The following CSNK2A1 variants were observed in gnomAD, a reference collection of about 807,000 sequenced individuals.
CSNK2A1 encodes casein kinase II subunit alpha.
A neutral mutation model predicts 62.9 loss-of-function variants in CSNK2A1; 10 were observed. That is an observed-to-expected ratio of 0.16 (90% CI 0.10 to 0.27). CSNK2A1 has a LOEUF of 0.27. CSNK2A1 is among the 10% of genes least tolerant of loss of function. The probability of loss-of-function intolerance (pLI) is 1.00; values close to 1 mark genes in which losing one functional copy is unlikely to be tolerated. For synonymous variants in CSNK2A1, 124 were observed against 167.8 expected (o/e 0.74, Z 2.02); for missense variants, 160 against 492.0 (o/e 0.33, Z 6.38).
At chr20:492,202 T>C in intron 9 of CSNK2A1, 52 bp downstream of exon 9, 3 of 1,503,740 alleles carry the variant, frequency 2.0e-6, no homozygotes, top group South Asian at 2.4e-5. Context: ...TTTGGTAAAT[T>C]ATGTGCGAAA....
intron 2 of CSNK2A1, among the ~76,000 whole-genome samples, chr20:524,737 C>T: frequency 7.0e-6 from 1 of 143,148 alleles, no homozygotes; most frequent in African/African-American, 2.6e-5. Context: ...AAAAGAGATA[C>T]ATCTAAAACA....
intron 1 of CSNK2A1, chr20:543,388 C>T (rs1033676392): frequency 4.2e-6 from 1 of 240,946 alleles, no homozygotes; most frequent in African/African-American, 2.2e-5. Flanking sequence ...TAGTCCCCAC[C>T]CAGTTCAGTC....
At position 492,370 on chromosome 20, in the gene CSNK2A1, A is replaced by G. The variant is rs2018254159; in HGVS notation, c.511-6T>C. 1.2e-6 allele frequency: 2 copies of G among 1,613,910 alleles called. No individual in the cohort carries two copies. The highest frequency in any genetic ancestry group is 1.3e-5 in the African/African-American group (1 of 75,032). On this transcript the variant is annotated splice_polypyrimidine_tract_variant and splice_region_variant and intron_variant, in intron 8 of 13. Transcript: ENST00000217244. ...CCCCAGTCTATTAGTCGTAGCTGAA[A>G]AAGAATAAACCATGAGCAATCTTAT...
rs1383072484 is a variant in CSNK2A1, at chr20:487,499, G to A, written c.901C>T (p.Leu301=). 1 of 1,614,170 alleles carries A rather than the reference G, an allele frequency of 6.2e-7. No individual in the cohort carries two copies. The change falls in exon 12 of 14, where the codon CTG becomes TTG. Residue 301 remains leucine, a synonymous_variant. Coordinates refer to ENST00000217244, the MANE Select transcript of CSNK2A1 (RefSeq NM_177559.3). ...TGGTCATATCGCAGCAGTTTGTCCA[G>A]GAAATCCAAGGCCTCAGGGCTGACA... is the stretch of plus-strand genomic sequence containing the variant. ...HLVSPEALDF[L]DKLLRYDHQS...
chr20:484,456 T>C (rs2018022792), intron 13 of CSNK2A1, among the ~76,000 whole-genome samples: 1 of 152,204 alleles, frequency 6.6e-6, no homozygotes, highest in Admixed American at 6.5e-5. Flanking sequence ...ACTGAGGAAC[T>C]ACATTTTAAA....
intron 12 of CSNK2A1, 149 bp from the exon 13 acceptor site, chr20:486,611 C>T (rs894864166): frequency 3.9e-5 from 28 of 715,752 alleles, no homozygotes; most frequent in African/African-American, 2.9e-4. Flanking sequence ...ATTGCCTTCA[C>T]CATGAATTAG....
intron 1 of CSNK2A1, among the ~76,000 whole-genome samples, chr20:531,519 T>A (rs975023508): frequency 6.6e-6 from 1 of 152,196 alleles, no homozygotes; most frequent in African/African-American, 2.4e-5. Flanking sequence ...AACAATGAGA[T>A]CAGTGGCCAT....
intron 10 of CSNK2A1, 83 bp from the exon 11 acceptor site, chr20:488,861 A>G: frequency 7.7e-7 from 1 of 1,296,948 alleles, no homozygotes; most frequent in Non-Finnish European, 1.1e-6. Context: ...GAATTTACAT[A>G]AACGGGTCAT....
chr20:513,264 T>C (rs986580407), intron 2 of CSNK2A1, among the ~76,000 whole-genome samples: 2 of 152,248 alleles, frequency 1.3e-5, no homozygotes, highest in East Asian at 3.8e-4. Context: ...GCCCTTTTCC[T>C]ATGCTTAAAA....
chr20:480,328 A>G lies in CSNK2A1; in HGVS notation c.*3633T>C, dbSNP rs2017933023. On this transcript the variant is annotated 3_prime_UTR_variant, in exon 14 of 14. Coordinates refer to ENST00000217244, the MANE Select transcript of CSNK2A1 (RefSeq NM_177559.3). Reference sequence around the variant, plus strand: ...GTGGAGAGTGGAACTACAATTTATTAAGCACCTATTATTACAAGCCAAGTA... The same window carrying G: ...GTGGAGAGTGGAACTACAATTTATTGAGCACCTATTATTACAAGCCAAGTA... 1 of 145,526 alleles carries G rather than the reference A, an allele frequency of 6.9e-6. No individual in the cohort carries two copies. Among genetic ancestry groups the G allele is most frequent in the South Asian group, 2.1e-4 (1 of 4,818 alleles). The allele number at this position is 145,526 out of a possible 1,614,324, so 9.0% of individuals were successfully genotyped here.
chr20:508,724 A>G, intron 2 of CSNK2A1, 64 bp from the exon 3 acceptor site: 3 of 578,750 alleles, frequency 5.2e-6, no homozygotes, highest in Non-Finnish European at 9.1e-6. Flanking sequence ...GAAGGAAATA[A>G]TCTTACAAAT....
At chr20:520,410 TACACTC>T (rs2018921068) in intron 2 of CSNK2A1, among the ~76,000 whole-genome samples, 1 of 152,118 alleles carries the variant, frequency 6.6e-6, no homozygotes, top group African/African-American at 2.4e-5. Context: ...AGTACAGAAA[TACACTC>T]ACACAAACAA....
chr20:485,101 A>C (rs2018057315), intron 13 of CSNK2A1, among the ~76,000 whole-genome samples: 1 of 31,864 alleles, frequency 3.1e-5, no homozygotes, highest in African/African-American at 1.0e-4. Context: ...AAAAAAAAAA[A>C]AAAAAAAAAT....
At position 483,783 on chromosome 20, in the gene CSNK2A1, AAAG is replaced by A. The variant is rs940674887; in HGVS notation, c.*175_*177del. 9.4e-6 allele frequency: 4 copies of A among 426,390 alleles called. No individual in the cohort carries two copies. The highest frequency in any genetic ancestry group is 1.6e-5 in the Non-Finnish European group (4 of 251,980). 26.4% of individuals were successfully genotyped at this position (426,390 alleles called of 1,614,324 possible). A position where few individuals can be genotyped will look rare whatever the true frequency, so the allele number is the denominator to read the frequency against. The stretch of plus-strand genomic sequence containing the variant: ...AGTTCGAGTTAAAAAAAAAAAGAAA[AAAG>A]AAAATCAGCCTATTATAATTTTTTT... On this transcript the variant is annotated 3_prime_UTR_variant, in exon 14 of 14. Coordinates refer to ENST00000217244, the MANE Select transcript of CSNK2A1 (RefSeq NM_177559.3).
chr20:543,190 G>C (rs1274686165), intron 1 of CSNK2A1: 2 of 152,256 alleles, frequency 1.3e-5, no homozygotes, highest in African/African-American at 2.4e-5. Flanking sequence ...TCTGCAGGTG[G>C]GAAGCTCAGC....
intron 8 of CSNK2A1, 154 bp downstream of exon 8, chr20:495,565 A>G: frequency 5.0e-6 from 3 of 604,868 alleles, no homozygotes; most frequent in Non-Finnish European, 8.9e-6. Context: ...TGGTTCAAAC[A>G]TGTTGACTTG....
intron 1 of CSNK2A1, among the ~76,000 whole-genome samples, chr20:533,210 A>G (rs961297817): frequency 2.0e-5 from 3 of 152,234 alleles, no homozygotes; most frequent in African/African-American, 7.2e-5. Flanking sequence ...TAAGTATACA[A>G]TGAATAAGAA....
In CSNK2A1 at chr20:502,870, T is replaced by A. The variant is rs558969230; in HGVS notation, c.213+2248A>T. ...TCACTTTTCCCTCCTCCTCTTTTCT[T>A]ATCTTGGTGCACTCTACAGCCTGCT... On this transcript the variant is annotated intron_variant, in intron 4 of 13. Coordinates refer to ENST00000217244, the MANE Select transcript of CSNK2A1 (RefSeq NM_177559.3). The A allele has an allele frequency of 5.3e-4, 80 of 152,290 alleles. 1 individual carries two copies. Among genetic ancestry groups the A allele is most frequent in the African/African-American group, 1.8e-3 (74 of 41,544 alleles). 9.4% of individuals were successfully genotyped at this position (152,290 alleles called of 1,614,324 possible).
At chr20:536,047 C>G (rs1157385280) in intron 1 of CSNK2A1, among the ~76,000 whole-genome samples, 1 of 152,040 alleles carries the variant, frequency 6.6e-6, no homozygotes, top group Non-Finnish European at 1.5e-5. Context: ...GGAATATTAC[C>G]TTCTCTATCT....
Sources: allele counts gnomAD v4.1 joint callset (sites outside exome capture counted in the v4.1 genomes callset), GRCh38; gene constraint gnomAD v4.1.1; transcripts MANE v1.5; gene names NCBI Gene and HGNC (gene_info 2026-07-23, HGNC 2026-07-21).